Variants in CRACDL observed in about 807,000 individuals in gnomAD.
The protein encoded by CRACDL is CRACD like.
CRACDL carries 26 observed loss-of-function variants against 70.6 expected under a neutral mutation model. The observed-to-expected ratio is 0.37, with a 90% CI of 0.27 to 0.51. The LOEUF is 0.51. CRACDL is among the 20% of genes least tolerant of loss of function. CRACDL has a pLI of 0.94. For missense variants in CRACDL, 1,283 were observed against 1,376.9 expected (o/e 0.93, Z 1.08); for synonymous variants, 618 against 615.2 (o/e 1.00, Z -0.07).
At chr2:98,899,522 A>C (rs1314508101) in intron 1 of CRACDL, among the ~76,000 whole-genome samples, 1 of 152,238 alleles carries the variant, frequency 6.6e-6, no homozygotes, top group Admixed American at 6.5e-5. Flanking sequence ...CCTGAAGGAC[A>C]GTGAGGGAAT....
At chr2:98,916,624 C>T (rs1708673120) in intron 1 of CRACDL, among the ~76,000 whole-genome samples, 2 of 151,978 alleles carry the variant, frequency 1.3e-5, no homozygotes, top group South Asian at 2.1e-4. Context: ...TTCCCTACTC[C>T]CACACATAAA....
chr2:98,900,511 C>G (rs1405436069), intron 1 of CRACDL, among the ~76,000 whole-genome samples: 11 of 152,088 alleles, frequency 7.2e-5, no homozygotes, highest in African/African-American at 2.7e-4. Flanking sequence ...CCCTCCTCCT[C>G]TGGCTTTTCA....
chr2:98,932,690 G>A (rs993237910), intron 1 of CRACDL, among the ~76,000 whole-genome samples: 3 of 152,102 alleles, frequency 2.0e-5, no homozygotes, highest in East Asian at 1.9e-4. Flanking sequence ...CAGCCCCGAC[G>A]GCTCTCCCAG....
Position 98,822,526 on chromosome 2 carries a change from G to A in CRACDL, c.1747C>T (p.Pro583Ser), listed in dbSNP as rs1275076263. The A allele has an allele frequency of 9.6e-6, 14 of 1,459,068 alleles. No homozygotes were observed. The Admixed American group carries it at 2.4e-4, about 25-fold the overall frequency. 90.4% of individuals were successfully genotyped at this position (1,459,068 alleles called of 1,614,324 possible). ...KFSVSSCRAR[P>S]RPGVSRPLER... ...AGCGGGCGGGAGACGCCCGGACGAG[G>A]CCGCGCTCGGCACGAGGACACCGAG... Residue 583 changes from proline to serine, a missense_variant, in exon 7 of 10, where the codon CCT becomes TCT. Physicochemically the swap from Pro to Ser is moderately conservative, Grantham distance 74. This residue lies in a region of CRACDL where 921 missense variants were observed against 881.9 expected (regional missense o/e 1.04). Coordinates refer to ENST00000397899, the MANE Select transcript of CRACDL (RefSeq NM_207362.3). The surrounding 1 kb of genome is among the most constrained non-coding windows in gnomAD (Gnocchi z 4.9).
At chr2:98,901,541 C>A (rs1043920761) in intron 1 of CRACDL, among the ~76,000 whole-genome samples, 10 of 152,204 alleles carry the variant, frequency 6.6e-5, no homozygotes, top group African/African-American at 2.4e-4. Context: ...AGGTGGACAG[C>A]ACAGCCCACA....
intron 1 of CRACDL, among the ~76,000 whole-genome samples, chr2:98,925,363 G>A (rs560561460): frequency 6.6e-5 from 10 of 152,316 alleles, no homozygotes; most frequent in South Asian, 2.1e-4. Context: ...CCAAGTTCTC[G>A]GCTTGAGACA....
At chr2:98,795,722 C>A (rs2104389453) in intron 9 of CRACDL, among the ~76,000 whole-genome samples, 1 of 152,304 alleles carries the variant, frequency 6.6e-6, no homozygotes, top group African/African-American at 2.4e-5. Flanking sequence ...TAGGACCTCT[C>A]CCACCTGCAT....
chr2:98,868,099 A>G (rs2104590336), intron 1 of CRACDL, among the ~76,000 whole-genome samples: 1 of 152,364 alleles, frequency 6.6e-6, no homozygotes, highest in Non-Finnish European at 1.5e-5. Flanking sequence ...GTTTTATGAA[A>G]CAGTAACAAT....
At chr2:98,878,903 T>C (rs957632095) in intron 1 of CRACDL, among the ~76,000 whole-genome samples, 5 of 152,230 alleles carry the variant, frequency 3.3e-5, no homozygotes, top group African/African-American at 1.2e-4. Context: ...GTATTGAAGA[T>C]ATATTTTCAA....
chr2:98,928,228 C>G (rs1708982038), intron 1 of CRACDL, among the ~76,000 whole-genome samples: 1 of 151,988 alleles, frequency 6.6e-6, no homozygotes, highest in South Asian at 2.1e-4. Context: ...AGACAGCTCA[C>G]AAAACAATAC....
At chr2:98,902,906 C>T (rs1573175857) in intron 1 of CRACDL, among the ~76,000 whole-genome samples, 2 of 152,270 alleles carry the variant, frequency 1.3e-5, no homozygotes, top group East Asian at 1.9e-4. Flanking sequence ...CTTAGGAAAA[C>T]GAACCGACTG....
At chr2:98,886,446 C>T (rs934991718) in intron 1 of CRACDL, among the ~76,000 whole-genome samples, 9 of 152,206 alleles carry the variant, frequency 5.9e-5, no homozygotes, top group African/African-American at 2.2e-4. Context: ...TCTAGAATAT[C>T]ACCTGCGCAT....
At chr2:98,798,162 T>A (rs1245588906) in intron 7 of CRACDL, among the ~76,000 whole-genome samples, 3 of 152,136 alleles carry the variant, frequency 2.0e-5, no homozygotes, top group Non-Finnish European at 2.9e-5. Flanking sequence ...TTGGTCAACA[T>A]GGCAAAACCC....
intron 1 of CRACDL, among the ~76,000 whole-genome samples, chr2:98,923,295 A>G (rs997132947): frequency 6.6e-6 from 1 of 152,000 alleles, no homozygotes; most frequent in African/African-American, 2.4e-5. Context: ...AAGAAAAAGA[A>G]AATTGTGATC....
At chr2:98,833,547 G>T (rs1705640882) in intron 3 of CRACDL, among the ~76,000 whole-genome samples, 3 of 152,206 alleles carry the variant, frequency 2.0e-5, no homozygotes, top group Admixed American at 1.3e-4. Context: ...TTTATGACCT[G>T]GCACCATCTG....
At chr2:98,932,462 T>A (rs1045755668) in intron 1 of CRACDL, among the ~76,000 whole-genome samples, 4 of 152,162 alleles carry the variant, frequency 2.6e-5, no homozygotes, top group African/African-American at 9.7e-5. Flanking sequence ...AAGCAGCAAT[T>A]ATGACTCGGA....
chr2:98,869,339 G>C, intron 1 of CRACDL: 4 of 1,141,524 alleles, frequency 3.5e-6, no homozygotes, highest in Non-Finnish European at 4.5e-6. Flanking sequence ...AGCTCCTTGG[G>C]CGGGTGCACA....
intron 1 of CRACDL, among the ~76,000 whole-genome samples, chr2:98,889,323 GAAAGAAAGAAAGAAAGA>G (rs1558624632): frequency 1.0e-4 from 9 of 89,356 alleles, no homozygotes; most frequent in Non-Finnish European, 1.8e-4. Context: ...AAGAAAGAAA[GAAAGAAAGAAAGAAAGA>G]AAGGAAACAG....
intron 1 of CRACDL, among the ~76,000 whole-genome samples, chr2:98,935,215 C>A (rs1428065075): frequency 1.3e-5 from 2 of 152,060 alleles, no homozygotes; most frequent in African/African-American, 2.4e-5. Context: ...GCCTGTCTTC[C>A]ACTTGGATTT....
Sources: allele counts gnomAD v4.1 joint callset (sites outside exome capture counted in the v4.1 genomes callset), GRCh38; gene constraint gnomAD v4.1.1; regional missense constraint gnomAD v4.1.1; non-coding constraint Gnocchi (gnomAD v3.1); transcripts MANE v1.5; gene names NCBI Gene and HGNC (gene_info 2026-07-23, HGNC 2026-07-21).